The following PDE11A variants were observed in gnomAD, a reference collection of about 807,000 sequenced individuals.
The protein encoded by PDE11A is phosphodiesterase 11A, also known as dual 3',5'-cyclic-AMP and -GMP phosphodiesterase 11A.
Under a neutral mutation model 100.5 loss-of-function variants are expected in PDE11A, and 100 were observed. That is an observed-to-expected ratio of 1.00 (90% CI 0.85 to 1.18). PDE11A has a LOEUF of 1.18. Ranked by LOEUF, PDE11A falls within the 50% of genes most tolerant of loss-of-function variation. The pLI is 0.00. For synonymous variants in PDE11A, 381 were observed against 420.8 expected (o/e 0.91, Z 1.16); for missense variants, 1,141 against 1,152.6 (o/e 0.99, Z 0.15).
chr2:177,685,434 G>A (rs1004893952), intron 15 of PDE11A, among the ~76,000 whole-genome samples: 1 of 152,164 alleles, frequency 6.6e-6, no homozygotes, highest in African/African-American at 2.4e-5. Flanking sequence ...TTCCACTAAC[G>A]ATTGTTATAT....
chr2:177,943,486 T>C (rs1431603474), intron 2 of PDE11A, among the ~76,000 whole-genome samples: 2 of 152,252 alleles, frequency 1.3e-5, no homozygotes, highest in Non-Finnish European at 2.9e-5. Flanking sequence ...ATAAATGATG[T>C]TGAGCATCTT....
rs1162372278 is a variant in PDE11A, at chr2:177,939,517, AAGGG to A, written c.1072-34334_1072-34331del. On this transcript the variant is annotated intron_variant, in intron 2 of 19. Coordinates refer to ENST00000286063, the MANE Select transcript of PDE11A (RefSeq NM_016953.4). ...GGAGGAGGGAAGGAGGGAGGGAGGG[AAGGG>A]AGGGAGGGAGGAAGGAAGGAAGGAA... 4.2e-3 allele frequency among the ~76,000 whole-genome samples: 289 copies of A among 69,210 alleles called. 3 individuals are homozygous for A. Among genetic ancestry groups the A allele is most frequent in the East Asian group, 0.013 (31 of 2,368 alleles). 45.4% of individuals were successfully genotyped at this position (69,210 alleles called of 152,430 possible). A position where few individuals can be genotyped will look rare whatever the true frequency, so the allele number is the denominator to read the frequency against.
chr2:177,753,750 A>T (rs763465130), intron 10 of PDE11A, among the ~76,000 whole-genome samples: 1 of 150,218 alleles, frequency 6.7e-6, no homozygotes, highest in South Asian at 2.1e-4. Flanking sequence ...CCTCAGCAGC[A>T]CTTCCCTTTA....
intron 5 of PDE11A, among the ~76,000 whole-genome samples, chr2:177,852,522 C>G (rs1202547801): frequency 6.6e-6 from 1 of 152,120 alleles, no homozygotes; most frequent in African/African-American, 2.4e-5. Flanking sequence ...ATCCCTGGAG[C>G]CCTTCCTGAA....
At chr2:177,981,113 A>G (rs1386636488) in intron 2 of PDE11A, among the ~76,000 whole-genome samples, 1 of 150,548 alleles carries the variant, frequency 6.6e-6, no homozygotes, top group Non-Finnish European at 1.5e-5. Context: ...ACCTCCAGTA[A>G]GCTAGTTATC....
At chr2:177,972,686 T>C (rs2085787183) in intron 2 of PDE11A, among the ~76,000 whole-genome samples, 1 of 151,954 alleles carries the variant, frequency 6.6e-6, no homozygotes, top group Non-Finnish European at 1.5e-5. Context: ...GTCCTATGTA[T>C]ATGAGGAGGA....
intron 13 of PDE11A, among the ~76,000 whole-genome samples, chr2:177,703,980 C>T (rs765963158): frequency 6.6e-6 from 1 of 152,206 alleles, no homozygotes; most frequent in Non-Finnish European, 1.5e-5. Flanking sequence ...TCTTTGTTCT[C>T]TTTTGTAATT....
chr2:178,048,606 C>T (rs1321658443), intron 1 of PDE11A, among the ~76,000 whole-genome samples: 2 of 152,198 alleles, frequency 1.3e-5, no homozygotes, highest in East Asian at 3.9e-4. Flanking sequence ...GGGAGTCAGG[C>T]CACCCCCAAA....
At chr2:177,997,467 G>A (rs1263231342) in intron 2 of PDE11A, 1 of 820,334 alleles carries the variant, frequency 1.2e-6, no homozygotes, top group South Asian at 1.3e-5. Flanking sequence ...TTACAAGAAG[G>A]AGGAATGTGG....
rs557418485 is a variant in PDE11A, at chr2:177,626,496, T to C, written c.*2911A>G. The C allele has an allele frequency of 2.0e-5, 3 of 152,752 alleles. No homozygotes were observed. Among genetic ancestry groups the C allele is most frequent in the African/African-American group, 7.2e-5 (3 of 41,566 alleles). The allele number at this position is 152,752 out of a possible 1,614,324, so 9.5% of individuals were successfully genotyped here. ...CTTCGGAGCTGCAGACACGTCACGATCTCGCAGACCAGACTCTGTCCCTGA... is the reference window on the plus strand; with the variant it reads ...CTTCGGAGCTGCAGACACGTCACGACCTCGCAGACCAGACTCTGTCCCTGA... On this transcript the variant is annotated 3_prime_UTR_variant, in exon 20 of 20. Coordinates refer to ENST00000286063, the MANE Select transcript of PDE11A (RefSeq NM_016953.4).
intron 12 of PDE11A, among the ~76,000 whole-genome samples, chr2:177,723,941 A>T (rs1411430488): frequency 1.3e-5 from 2 of 152,128 alleles, no homozygotes; most frequent in African/African-American, 2.4e-5. Flanking sequence ...TATAAGAAAT[A>T]TGTCCCTCAT....
At chr2:177,723,856 AC>A (rs1437388417) in intron 12 of PDE11A, among the ~76,000 whole-genome samples, 25 of 152,128 alleles carry the variant, frequency 1.6e-4, no homozygotes, top group Non-Finnish European at 1.5e-4. Context: ...CAACCTTGGC[AC>A]CACTACATGC....
intron 1 of PDE11A, among the ~76,000 whole-genome samples, chr2:178,042,021 G>A (rs924559451): frequency 6.6e-6 from 1 of 152,200 alleles, no homozygotes. Context: ...AAGGCATGGT[G>A]TAAACATTAC....
rs983706185 is a variant in PDE11A at position 177,635,202 on chromosome 2, A to C, written c.2647-5640T>G. Among the ~76,000 whole-genome samples, 5 of 152,282 alleles carry C rather than the reference A, an allele frequency of 3.3e-5. No homozygotes were observed. In the East Asian group the frequency reaches 9.7e-4, roughly 29 times the overall value. On this transcript the variant is annotated intron_variant, in intron 19 of 19. Transcript: ENST00000286063. ...ATCTATACCCCTGTAACTTCTACCT[A>C]ATGGTTCTAATCCTTAGGGTGCTCT...
intron 5 of PDE11A, among the ~76,000 whole-genome samples, chr2:177,854,875 A>G (rs1452497199): frequency 6.6e-6 from 1 of 152,112 alleles, no homozygotes; most frequent in Non-Finnish European, 1.5e-5. Flanking sequence ...TTGCTTGTCA[A>G]TTGACAACAT....
At chr2:177,789,310 C>A (rs2082592044) in intron 9 of PDE11A, among the ~76,000 whole-genome samples, 1 of 152,082 alleles carries the variant, frequency 6.6e-6, no homozygotes, top group African/African-American at 2.4e-5. Context: ...TCAATAGATG[C>A]AGAAAAGGCC....
In PDE11A at chr2:178,071,621, C is replaced by T; in HGVS notation, c.817G>A (p.Glu273Lys). 1 of 1,613,940 alleles carries T rather than the reference C, an allele frequency of 6.2e-7. No individual in the cohort carries two copies. The highest frequency in any genetic ancestry group is 8.5e-7 in the Non-Finnish European group (1 of 1,179,828). ...GGGACCTGCACCTCATTTGAGTTCTCTGTGCTGCTGCAAGGCAGCAGAGGT... is the reference window on the plus strand; with the variant it reads ...GGGACCTGCACCTCATTTGAGTTCTTTGTGCTGCTGCAAGGCAGCAGAGGT... Reference protein sequence around the residue: ...GTPLLPCSSTENSNEVQVPWG... With the variant: ...GTPLLPCSSTKNSNEVQVPWG... Residue 273 changes from glutamate to lysine, a missense_variant, in exon 1 of 20, where the codon GAG (glutamate) becomes AAG (lysine). Glu to Lys is a moderately conservative substitution (Grantham distance 56, BLOSUM62 1). Coordinates refer to ENST00000286063, the MANE Select transcript of PDE11A (RefSeq NM_016953.4).
chr2:177,972,797 G>C (rs537678326), intron 2 of PDE11A, among the ~76,000 whole-genome samples: 3 of 152,274 alleles, frequency 2.0e-5, no homozygotes, highest in East Asian at 1.9e-4. Flanking sequence ...CCTACCAGAC[G>C]CCCTTCTCTG....
intron 9 of PDE11A, among the ~76,000 whole-genome samples, chr2:177,780,218 T>C (rs2082434445): frequency 6.6e-6 from 1 of 152,178 alleles, no homozygotes; most frequent in Admixed American, 6.5e-5. Context: ...GTTCCATTTA[T>C]AGTGTACAAG....
Sources: allele counts gnomAD v4.1 joint callset (sites outside exome capture counted in the v4.1 genomes callset), GRCh38; gene constraint gnomAD v4.1.1; transcripts MANE v1.5; gene names NCBI Gene and HGNC (gene_info 2026-07-23, HGNC 2026-07-21).